Variants in PDZD7 observed in about 807,000 individuals in gnomAD.
PDZD7 encodes the protein PDZ domain containing 7.
A neutral mutation model predicts 84.7 loss-of-function variants in PDZD7; 72 were observed. The ratio of observed to expected loss-of-function variants is 0.85; its 90% confidence interval spans 0.70 to 1.03. The LOEUF (loss-of-function observed/expected upper bound fraction) is 1.03. Among genes scored for constraint, PDZD7 ranks in the 50% least tolerant of loss-of-function variants. The pLI, the probability that PDZD7 is intolerant of heterozygous loss-of-function variation, is 0.00. For missense variants in PDZD7, 1,490 were observed against 1,412.9 expected, an observed-to-expected ratio of 1.05 and a Z score of -0.87; for synonymous variants, 594 against 580.7, an observed-to-expected ratio of 1.02 and a Z score of -0.33.
chr10:101,009,152 C>A lies in PDZD7; in HGVS notation c.2718+98G>T, dbSNP rs1852311106. The A allele has an allele frequency of 2.8e-5, 33 of 1,163,850 alleles. No homozygotes were observed. The South Asian group carries it at 4.9e-4, about 17-fold the overall frequency. 72.1% of individuals were successfully genotyped at this position (1,163,850 alleles called of 1,614,324 possible). ...CCCAAGCCTCCTCCCACAACCCGGG[C>A]TAAACATGTCTGGCTGGAAGCTGAG... On this transcript the variant is annotated intron_variant, in intron 16 of 16. Coordinates refer to ENST00000619208, the MANE Select transcript of PDZD7 (RefSeq NM_001195263.2).
Position 101,010,610 on chromosome 10 carries a change from T to G in PDZD7, c.2279A>C (p.His760Pro). ...GCCCCGGATCTGGCTCTGCGGAGGGTGCTCTCGGCTCAGGGGTTCTGTCAG... is the reference window on the plus strand; with the variant it reads ...GCCCCGGATCTGGCTCTGCGGAGGGGGCTCTCGGCTCAGGGGTTCTGTCAG... ...WLLTEPLSRE[H>P]PPQSQIRGRA... The change falls in exon 15 of 17, where the codon CAC becomes CCC. Residue 760 changes from histidine to proline, a missense_variant. By Grantham distance (77) the His-to-Pro change is moderately conservative. Coordinates refer to ENST00000619208, the MANE Select transcript of PDZD7 (RefSeq NM_001195263.2). 2 of 1,502,162 alleles carry G rather than the reference T, an allele frequency of 1.3e-6. No individual in the cohort carries two copies. The highest frequency in any genetic ancestry group is 1.8e-6 in the Non-Finnish European group (2 of 1,126,784). The allele number at this position is 1,502,162 out of a possible 1,614,324, so 93.1% of individuals were successfully genotyped here. A position where few individuals can be genotyped will look rare whatever the true frequency, so the allele number is the denominator to read the frequency against.
Position 101,030,077 on chromosome 10 carries a change from T to G in PDZD7, c.143A>C (p.Gln48Pro). The G allele has an allele frequency of 1.2e-6, 2 of 1,614,152 alleles. No individual in the cohort carries two copies. The highest frequency in any genetic ancestry group is 1.7e-6 in the Non-Finnish European group (2 of 1,180,030). ...TATRYLLRKQ[Q>P]RLLNGPPRGI... ...GCGGGGGGGCCCGTTCAGCAGCCGTTGTTGCTTCCTTAGCAGGTATCGCGT... is the reference window on the plus strand; with the variant it reads ...GCGGGGGGGCCCGTTCAGCAGCCGTGGTTGCTTCCTTAGCAGGTATCGCGT... The change falls in exon 2 of 17, where the codon CAA (glutamine) becomes CCA (proline). Residue 48 changes from glutamine to proline, a missense_variant. Gln to Pro is a moderately conservative substitution (Grantham distance 76, BLOSUM62 -1). Coordinates refer to ENST00000619208, the MANE Select transcript of PDZD7 (RefSeq NM_001195263.2).
At chr10:101,013,333 C>T (rs1852464571) in intron 11 of PDZD7, among the ~76,000 whole-genome samples, 1 of 152,208 alleles carries the variant, frequency 6.6e-6, no homozygotes, top group African/African-American at 2.4e-5. Flanking sequence ...CACAATGATC[C>T]TGTCTCAGAT....
intron 6 of PDZD7, 41 bp from the exon 7 acceptor site, chr10:101,020,719 G>A: frequency 6.6e-7 from 1 of 1,515,054 alleles, no homozygotes; most frequent in Non-Finnish European, 9.2e-7. Flanking sequence ...AGGGGGAGCA[G>A]TGAGGAGGGA....
At chr10:101,014,872 C>T (rs905431905) in intron 11 of PDZD7, among the ~76,000 whole-genome samples, 3 of 152,172 alleles carry the variant, frequency 2.0e-5, no homozygotes, top group Non-Finnish European at 2.9e-5. Flanking sequence ...TTTCAAGACC[C>T]CCCAGCTCGC....
chr10:101,029,947 A>ACCCC, intron 2 of PDZD7, 47 bp downstream of exon 2: 1 of 1,431,216 alleles, frequency 7.0e-7, no homozygotes, highest in Non-Finnish European at 9.8e-7. Flanking sequence ...ATTGTCCCCT[A>ACCCC]CCCCCACCCT....
chr10:101,016,266 T>A, intron 10 of PDZD7, 111 bp downstream of exon 10: 16 of 1,119,562 alleles, frequency 1.4e-5, no homozygotes, highest in Non-Finnish European at 2.0e-5. Flanking sequence ...TGATCCCCCA[T>A]GCTTGACCCT....
intron 11 of PDZD7, among the ~76,000 whole-genome samples, chr10:101,015,151 G>T (rs1852555200): frequency 6.6e-6 from 1 of 152,256 alleles, no homozygotes; most frequent in Non-Finnish European, 1.5e-5. Context: ...CAACAGGGGA[G>T]AGGACCTGGC....
chr10:101,010,878 G>C lies in PDZD7; in HGVS notation c.2011C>G (p.Arg671Gly), dbSNP rs925832623. 2 of 1,533,730 alleles carry C rather than the reference G, an allele frequency of 1.3e-6. No homozygotes were observed. Among genetic ancestry groups the C allele is most frequent in the Admixed American group, 3.9e-5 (2 of 50,986 alleles). Residue 671 changes from arginine (R) to glycine (G), a missense_variant, in exon 15 of 17, where the codon CGC becomes GGC. Transcript: ENST00000619208. Reference sequence around the variant, plus strand: ...ACCGGCAGCAGGTAGAAGCCTCCGCGGCTGTCTGGGGAAGAGCGCCAAGGT... The same window carrying C: ...ACCGGCAGCAGGTAGAAGCCTCCGCCGCTGTCTGGGGAAGAGCGCCAAGGT... ...RHLITPVPDS[R>G]GGFYLLPVNG...
rs776473503 is a variant in PDZD7, at chr10:101,018,242, G to A, written c.1379C>T (p.Ala460Val). The A allele has an allele frequency of 6.8e-6, 11 of 1,614,152 alleles. No homozygotes were observed. The highest frequency in any genetic ancestry group is 6.7e-5 in the Admixed American group (4 of 60,030). ...CATCAGCGTCTTGGAGCGCTGCAGG[G>A]CACCCTTCTCCCCAGGGGACCCCGA... Reference protein sequence around the residue: ...EKSGSPGEKGALQRSKTLMNL... With the variant: ...EKSGSPGEKGVLQRSKTLMNL... Residue 460 changes from alanine to valine, a missense_variant, in exon 9 of 17, where the codon GCC becomes GTC. Transcript: ENST00000619208.
intron 15 of PDZD7, among the ~76,000 whole-genome samples, chr10:101,009,599 CTTTTTTTTTT>C (rs142806278): frequency 2.7e-4 from 17 of 62,242 alleles, no homozygotes; most frequent in African/African-American, 1.0e-3. Flanking sequence ...GAGACAGAGT[CTTTTTTTTTT>C]TTTTTTTTTT....
intron 7 of PDZD7, 46 bp from the exon 8 acceptor site, chr10:101,019,263 C>T: frequency 6.5e-7 from 1 of 1,533,650 alleles, no homozygotes; most frequent in Non-Finnish European, 8.7e-7. Flanking sequence ...TGCTTCAGAG[C>T]CCTGCCCGGC....
At position 101,011,905 on chromosome 10, in the gene PDZD7, C is replaced by G; in HGVS notation, c.1933+20G>C. On this transcript the variant is annotated intron_variant, in intron 13 of 16. Coordinates refer to ENST00000619208, the MANE Select transcript of PDZD7 (RefSeq NM_001195263.2). Reference sequence around the variant, plus strand: ...CCCAGCAGGGCTCAGGACCCAGAAGCCCCGCCCCCCACTGCTGACCTGCCC... The same window carrying G: ...CCCAGCAGGGCTCAGGACCCAGAAGGCCCGCCCCCCACTGCTGACCTGCCC... 2 of 1,549,742 alleles carry G rather than the reference C, an allele frequency of 1.3e-6. No individual in the cohort carries two copies. The highest frequency in any genetic ancestry group is 1.7e-6 in the Non-Finnish European group (2 of 1,146,896).
In PDZD7 at chr10:101,020,502, T is replaced by C. The variant is rs1435400796; in HGVS notation, c.928+116A>G. ...ATCCTCCCACCTCAGCCTCCCAAAATGCTGGGATTACAGGTGTAAGCCACC... is the reference window on the plus strand; with the variant it reads ...ATCCTCCCACCTCAGCCTCCCAAAACGCTGGGATTACAGGTGTAAGCCACC... On this transcript the variant is annotated intron_variant, in intron 7 of 16. Coordinates refer to ENST00000619208, the MANE Select transcript of PDZD7 (RefSeq NM_001195263.2). The C allele has an allele frequency of 5.1e-6, 5 of 976,678 alleles. No homozygotes were observed. In the Admixed American group the frequency reaches 5.9e-5, roughly 12 times the overall value. The allele number at this position is 976,678 out of a possible 1,614,324, so 60.5% of individuals were successfully genotyped here.
chr10:101,019,024 G>C lies in PDZD7; in HGVS notation c.1122C>G (p.Pro374=), dbSNP rs756892517. Reference sequence around the variant, plus strand: ...AGGTCTCCACCCGGCCTCCCGCATCGGGCTCCGTCTGCATGGCTGTGTCCG... The same window carrying C: ...AGGTCTCCACCCGGCCTCCCGCATCCGGCTCCGTCTGCATGGCTGTGTCCG... ...GRADTAMQTE[P]DAGGRVETWC... is the part of the protein sequence containing the mutation. The change falls in exon 8 of 17, where the codon CCC becomes CCG. Residue 374 remains proline (P), a synonymous_variant. Transcript: ENST00000619208. 2 of 1,573,632 alleles carry C rather than the reference G, an allele frequency of 1.3e-6. No individual in the cohort carries two copies. The highest frequency in any genetic ancestry group is 1.2e-5 in the South Asian group (1 of 86,522).
chr10:101,009,141 C>T, intron 16 of PDZD7, 109 bp downstream of exon 16: 1 of 1,084,702 alleles, frequency 9.2e-7, no homozygotes, highest in Non-Finnish European at 1.3e-6. Flanking sequence ...AGCCTCCTCC[C>T]ACAACCCGGG....
chr10:101,010,341 C>T lies in PDZD7; in HGVS notation c.2548G>A (p.Glu850Lys), dbSNP rs1420052669. 1.3e-6 allele frequency: 2 copies of T among 1,535,508 alleles called. No homozygotes were observed. Among genetic ancestry groups the T allele is most frequent in the Non-Finnish European group, 1.7e-6 (2 of 1,146,316 alleles). Residue 850 changes from glutamate to lysine, a missense_variant, in exon 15 of 17, where the codon GAG (glutamate) becomes AAG (lysine). Coordinates refer to ENST00000619208, the MANE Select transcript of PDZD7 (RefSeq NM_001195263.2). ...SESGTEGTAK[E>K]AAMKNPSGEL... is the part of the protein sequence containing the mutation. ...CCACTGGGGTTCTTCATGGCTGCCT[C>T]CTTGGCCGTCCCCTCAGTTCCACTC... is the stretch of plus-strand genomic sequence containing the variant.
intron 16 of PDZD7, 37 bp from the exon 17 acceptor site, chr10:101,008,887 CAT>C: frequency 2.7e-6 from 4 of 1,459,436 alleles, no homozygotes; most frequent in Non-Finnish European, 3.6e-6. Context: ...CCTCCCTCCT[CAT>C]GTCACCCTGC....
At chr10:101,017,917 G>A (rs571415138) in intron 9 of PDZD7, 182 bp downstream of exon 9, 14 of 532,940 alleles carry the variant, frequency 2.6e-5, no homozygotes, top group African/African-American at 4.1e-5. Context: ...AGAAAGAAAA[G>A]AAAGAAAGAA....
Sources: allele counts gnomAD v4.1 joint callset (sites outside exome capture counted in the v4.1 genomes callset), GRCh38; gene constraint gnomAD v4.1.1; transcripts MANE v1.5; gene names NCBI Gene and HGNC (gene_info 2026-07-23, HGNC 2026-07-21).